Variants in CCDC18 observed in about 807,000 individuals in gnomAD.
CCDC18 encodes coiled-coil domain containing 18.
CCDC18 carries 157 observed loss-of-function variants against 196.0 expected under a neutral mutation model. That is an observed-to-expected ratio of 0.80 (90% confidence interval 0.70 to 0.91). The LOEUF is 0.91. Ranked by LOEUF, CCDC18 falls within the 40% of genes least tolerant of loss-of-function variation. CCDC18 has a pLI of 0.00. For synonymous variants in CCDC18, 482 were observed against 529.2 expected, an observed-to-expected ratio of 0.91 and a Z score of 1.22; for missense variants, 1,465 against 1,611.6, an observed-to-expected ratio of 0.91 and a Z score of 1.56.
At chr1:93,188,002 T>A (rs1651005903) in intron 4 of CCDC18, among the ~76,000 whole-genome samples, 1 of 152,222 alleles carries the variant, frequency 6.6e-6, no homozygotes. Context: ...TGCTTAGTGA[T>A]TTAAAGTAAG....
At chr1:93,225,541 C>G (rs1214093239) in intron 16 of CCDC18, among the ~76,000 whole-genome samples, 3 of 152,140 alleles carry the variant, frequency 2.0e-5, no homozygotes, top group African/African-American at 7.2e-5. Flanking sequence ...CTTTGGGAGG[C>G]CAAGGCGGGT....
intron 28 of CCDC18, chr1:93,271,409 G>A: frequency 1.0e-6 from 1 of 985,226 alleles, no homozygotes; most frequent in South Asian, 4.7e-5. Flanking sequence ...CTTTTTTAGA[G>A]AGAAATTCTT....
At chr1:93,198,020 G>A (rs988698820) in intron 6 of CCDC18, among the ~76,000 whole-genome samples, 15 of 151,688 alleles carry the variant, frequency 9.9e-5, no homozygotes, top group Non-Finnish European at 1.8e-4. Context: ...CAAAGTGCTG[G>A]GATTACAGGT....
chr1:93,278,133 C>T (rs1345167203), intron 28 of CCDC18, among the ~76,000 whole-genome samples: 2 of 151,938 alleles, frequency 1.3e-5, no homozygotes, highest in East Asian at 1.9e-4. Flanking sequence ...ATTACAGACG[C>T]TCGCCACCAC....
chr1:93,198,595 TTAAAA>T (rs1426817488), intron 6 of CCDC18, among the ~76,000 whole-genome samples: 1 of 152,128 alleles, frequency 6.6e-6, no homozygotes, highest in African/African-American at 2.4e-5. Flanking sequence ...CAATAAAAAA[TTAAAA>T]TCAAATAAGA....
chr1:93,194,233 A>G (rs1403070109), intron 6 of CCDC18, among the ~76,000 whole-genome samples: 2 of 152,168 alleles, frequency 1.3e-5, no homozygotes, highest in Non-Finnish European at 2.9e-5. Flanking sequence ...TTTTGTATAA[A>G]TTATATCTTG....
chr1:93,254,741 T>G (rs1314012787), intron 24 of CCDC18, 127 bp downstream of exon 24: 6 of 887,036 alleles, frequency 6.8e-6, no homozygotes, highest in Non-Finnish European at 1.1e-5. Context: ...GGCTAGTTTT[T>G]TGTGCCAGAA....
rs541039982 is a variant in CCDC18 at position 93,270,690 on chromosome 1, A to T, written c.4229A>T (p.Asn1410Ile). Residue 1410 changes from asparagine to isoleucine, a missense_variant, in exon 28 of 29, where the codon AAC becomes ATC. By Grantham distance (149) the Asn-to-Ile change is moderately radical. Transcript: ENST00000690025. ...QPDSFKPLTY[N>I]LEADSSENND... is the part of the protein sequence containing the mutation. ...GACTCATTTAAACCTCTCACATATA[A>T]CCTAGAAGCTGATAGTTCTGAGAAT... The T allele has an allele frequency of 1.9e-6, 3 of 1,550,324 alleles. No homozygotes were observed. In the South Asian group the frequency reaches 3.6e-5, roughly 18 times the overall value.
Position 93,207,150 on chromosome 1 carries a change from A to T in CCDC18, c.961A>T (p.Ile321Phe). The T allele has an allele frequency of 6.3e-7, 1 of 1,584,656 alleles. No homozygotes were observed. ...ENNNGKEKLR[I>F]MAVKNSEVMA... is the part of the protein sequence containing the mutation. ...TAACAACGGAAAAGAAAAATTAAGGATCATGGCAGTGAAAAATTCAGAAGT... is the reference window on the plus strand; with the variant it reads ...TAACAACGGAAAAGAAAAATTAAGGTTCATGGCAGTGAAAAATTCAGAAGT... The change falls in exon 9 of 29, where the codon ATC becomes TTC. Residue 321 changes from isoleucine (I) to phenylalanine (F), a missense_variant. Coordinates refer to ENST00000690025, the MANE Select transcript of CCDC18 (RefSeq NM_001378204.1).
chr1:93,212,246 G>A lies in CCDC18; in HGVS notation c.1480G>A (p.Gly494Ser). 1 of 1,585,666 alleles carries A rather than the reference G, an allele frequency of 6.3e-7. No homozygotes were observed. Among genetic ancestry groups the A allele is most frequent in the East Asian group, 2.3e-5 (1 of 44,004 alleles). The change falls in exon 11 of 29, where the codon GGT becomes AGT. Residue 494 changes from glycine to serine, a missense_variant. By Grantham distance (56) the Gly-to-Ser change is moderately conservative. Transcript: ENST00000690025. The stretch of plus-strand genomic sequence containing the variant: ...TTTAGAAACAGAACCTGTAAAGCTA[G>A]GTGGTCATCAAGTAGGTAAGTATAT... Reference protein sequence around the residue: ...SSLETEPVKLGGHQVAESVKD... With the variant: ...SSLETEPVKLSGHQVAESVKD...
intron 4 of CCDC18, 93 bp downstream of exon 4, chr1:93,186,596 T>A: frequency 1.1e-6 from 1 of 943,302 alleles, no homozygotes; most frequent in Non-Finnish European, 1.6e-6. Context: ...CACATTGCCT[T>A]AATGTGTTAT....
intron 4 of CCDC18, among the ~76,000 whole-genome samples, chr1:93,187,102 A>T (rs990904675): frequency 6.6e-6 from 1 of 151,984 alleles, no homozygotes; most frequent in African/African-American, 2.4e-5. Context: ...TTTTTACTAA[A>T]TGATTGGTAT....
At chr1:93,240,875 C>G (rs11799928) in intron 21 of CCDC18, among the ~76,000 whole-genome samples, 13,582 of 152,222 alleles carry the variant, frequency 0.089, 1,995 homozygotes, top group African/African-American at 0.31. Flanking sequence ...TTGCTCAAAC[C>G]ACAAATATAT....
chr1:93,207,452 GAA>G, intron 9 of CCDC18, 54 bp downstream of exon 9: 1 of 1,319,404 alleles, frequency 7.6e-7, no homozygotes, highest in East Asian at 2.4e-5. Flanking sequence ...AAGTGTTTTA[GAA>G]AAGACTATCA....
chr1:93,217,094 C>T (rs2102111381), intron 13 of CCDC18, among the ~76,000 whole-genome samples: 1 of 150,892 alleles, frequency 6.6e-6, no homozygotes, highest in South Asian at 2.1e-4. Flanking sequence ...GCCACCACGC[C>T]TGGCTAATTT....
At chr1:93,214,316 T>G (rs906903442) in intron 11 of CCDC18, among the ~76,000 whole-genome samples, 1 of 152,206 alleles carries the variant, frequency 6.6e-6, no homozygotes, top group African/African-American at 2.4e-5. Flanking sequence ...CTTTGGAGCT[T>G]TTGAACCTGC....
intron 7 of CCDC18, among the ~76,000 whole-genome samples, chr1:93,205,238 C>T (rs1489690878): frequency 2.6e-5 from 4 of 152,074 alleles, no homozygotes; most frequent in East Asian, 1.9e-4. Flanking sequence ...GTAACTCGGA[C>T]GCAGCAGCTG....
chr1:93,191,960 A>G, intron 4 of CCDC18, 40 bp from the exon 5 acceptor site: 1 of 1,414,462 alleles, frequency 7.1e-7, no homozygotes, highest in East Asian at 2.3e-5. Context: ...AGGTTAATTT[A>G]TTTTCTGAAA....
At chr1:93,208,036 G>T (rs540489934) in intron 9 of CCDC18, among the ~76,000 whole-genome samples, 1,258 of 106,506 alleles carry the variant, frequency 0.012, 22 homozygotes, top group African/African-American at 0.03. Context: ...TGGACATTTG[G>T]ATTGTTTCCA....
Sources: allele counts gnomAD v4.1 joint callset (sites outside exome capture counted in the v4.1 genomes callset), GRCh38; gene constraint gnomAD v4.1.1; transcripts MANE v1.5; gene names NCBI Gene and HGNC (gene_info 2026-07-23, HGNC 2026-07-21).